PATJ: variants seen among roughly 807,000 people sequenced by gnomAD.
PATJ encodes inaD-like protein.
Under a neutral mutation model 224.9 loss-of-function variants are expected in PATJ, and 190 were observed. The ratio of observed to expected loss-of-function variants is 0.84; its 90% CI spans 0.75 to 0.95. The LOEUF (loss-of-function observed/expected upper bound fraction) is 0.95. PATJ is among the 40% of genes least tolerant of loss of function. The pLI is 0.00. For missense variants in PATJ, 2,121 were observed against 2,270.3 expected, an observed-to-expected ratio of 0.93 and a Z score of 1.34; for synonymous variants, 769 against 820.3, an observed-to-expected ratio of 0.94 and a Z score of 1.07.
intron 8 of PATJ, 109 bp downstream of exon 8, chr1:61,788,081 T>G: frequency 2.0e-5 from 15 of 762,196 alleles, no homozygotes; most frequent in Non-Finnish European, 2.6e-5. Context: ...AGTTGTGCGC[T>G]CACTAGTGAA....
intron 27 of PATJ, among the ~76,000 whole-genome samples, chr1:61,947,064 A>G (rs930799305): frequency 6.6e-6 from 1 of 152,232 alleles, no homozygotes; most frequent in Admixed American, 6.5e-5. Context: ...GATGGGATGT[A>G]TCTCAAAATA....
chr1:61,804,219 A>T (rs1303117851), intron 12 of PATJ, among the ~76,000 whole-genome samples: 2 of 152,202 alleles, frequency 1.3e-5, no homozygotes, highest in East Asian at 1.9e-4. Context: ...TAACAGGAAT[A>T]GGTGCAAAGG....
chr1:61,753,948 C>T (rs1465281521), intron 1 of PATJ, among the ~76,000 whole-genome samples: 4 of 151,922 alleles, frequency 2.6e-5, no homozygotes, highest in African/African-American at 7.2e-5. Flanking sequence ...CGTTAATTGG[C>T]GTTGGCCTAG....
intron 21 of PATJ, among the ~76,000 whole-genome samples, chr1:61,876,375 G>A (rs1417904704): frequency 6.6e-6 from 1 of 151,990 alleles, no homozygotes; most frequent in East Asian, 1.9e-4. Flanking sequence ...AAACTCTCCA[G>A]GTATATTGCT....
intron 21 of PATJ, among the ~76,000 whole-genome samples, chr1:61,880,081 C>T (rs573931526): frequency 6.6e-6 from 1 of 152,290 alleles, no homozygotes; most frequent in South Asian, 2.1e-4. Context: ...GCCTCAGCCT[C>T]CCAAAGTGCT....
At chr1:61,826,626 A>G (rs1658317750) in intron 15 of PATJ, among the ~76,000 whole-genome samples, 1 of 152,214 alleles carries the variant, frequency 6.6e-6, no homozygotes, top group Non-Finnish European at 1.5e-5. Context: ...GGAGCCAAGT[A>G]TTATTATTAT....
chr1:61,885,893 T>G (rs1668755139), intron 22 of PATJ, among the ~76,000 whole-genome samples: 2 of 151,714 alleles, frequency 1.3e-5, no homozygotes, highest in Non-Finnish European at 1.5e-5. Flanking sequence ...TGGATGAAAT[T>G]GGAAATCATC....
At chr1:62,101,175 G>A (rs1662109188) in intron 33 of PATJ, among the ~76,000 whole-genome samples, 1 of 151,892 alleles carries the variant, frequency 6.6e-6, no homozygotes, top group Admixed American at 6.6e-5. Flanking sequence ...TTTGAGTATG[G>A]TACCATGTGC....
chr1:61,769,163 G>T (rs1187514739), intron 4 of PATJ, 120 bp from the exon 5 acceptor site: 1 of 839,414 alleles, frequency 1.2e-6, no homozygotes, highest in Non-Finnish European at 1.8e-6. Context: ...TTACTGAAAT[G>T]CTGAGTTTAT....
intron 33 of PATJ, among the ~76,000 whole-genome samples, chr1:62,093,270 TG>T (rs1661007355): frequency 6.6e-6 from 1 of 152,204 alleles, no homozygotes; most frequent in Non-Finnish European, 1.5e-5. Flanking sequence ...TATAACCATA[TG>T]TTGTTCTGAA....
At chr1:61,755,826 G>A (rs553255740) in intron 1 of PATJ, among the ~76,000 whole-genome samples, 12 of 151,916 alleles carry the variant, frequency 7.9e-5, no homozygotes, top group African/African-American at 2.4e-4. Context: ...TTTTTTTTTA[G>A]ACGGAGTTTC....
chr1:61,842,585 AT>A (rs1202615982), intron 17 of PATJ, among the ~76,000 whole-genome samples: 1 of 152,044 alleles, frequency 6.6e-6, no homozygotes, highest in East Asian at 1.9e-4. Context: ...AACTATAAAT[AT>A]TAGTGTTTTT....
At chr1:62,136,871 G>A (rs1204893966) in intron 41 of PATJ, among the ~76,000 whole-genome samples, 1 of 152,144 alleles carries the variant, frequency 6.6e-6, no homozygotes, top group African/African-American at 2.4e-5. Context: ...CACCCAGCCA[G>A]TGCTAAATTT....
At chr1:62,043,841 C>A (rs1570289514) in intron 30 of PATJ, among the ~76,000 whole-genome samples, 1 of 152,062 alleles carries the variant, frequency 6.6e-6, no homozygotes. Flanking sequence ...AATATTCCTG[C>A]CTCAGCCTCC....
At chr1:61,844,447 A>G (rs1029557747) in intron 17 of PATJ, among the ~76,000 whole-genome samples, 2 of 152,208 alleles carry the variant, frequency 1.3e-5, no homozygotes, top group Admixed American at 1.3e-4. Flanking sequence ...ACAATTACGT[A>G]CTGCTTACAG....
At chr1:61,858,325 C>A (rs895726197) in intron 18 of PATJ, among the ~76,000 whole-genome samples, 2 of 152,128 alleles carry the variant, frequency 1.3e-5, no homozygotes, top group Non-Finnish European at 2.9e-5. Flanking sequence ...TGCAGTGGTG[C>A]AATCTCGGCT....
chr1:62,081,011 A>T (rs74076516), intron 32 of PATJ, among the ~76,000 whole-genome samples: 1 of 152,144 alleles, frequency 6.6e-6, no homozygotes, highest in African/African-American at 2.4e-5. Context: ...CCACAAATAC[A>T]GGTTTATAGA....
At chr1:61,814,547 T>TGTGTGTGTGTGTGTGTGTGTGCGC (rs370488022) in intron 14 of PATJ, among the ~76,000 whole-genome samples, 9 of 142,572 alleles carry the variant, frequency 6.3e-5, no homozygotes, top group African/African-American at 2.4e-4. Flanking sequence ...TGTGTGTGTG[T>TGTGTGTGTGTGTGTGTGTGTGCGC]GCGCGCGCGC....
chr1:61,959,262 G>C (rs1264744726), intron 27 of PATJ, among the ~76,000 whole-genome samples: 1 of 151,650 alleles, frequency 6.6e-6, no homozygotes, highest in Non-Finnish European at 1.5e-5. Flanking sequence ...TTACATAGCA[G>C]ATAATAAATA....
Sources: allele counts gnomAD v4.1 joint callset (sites outside exome capture counted in the v4.1 genomes callset), GRCh38; gene constraint gnomAD v4.1.1; transcripts MANE v1.5; gene names NCBI Gene and HGNC (gene_info 2026-07-23, HGNC 2026-07-21).